RANBP17: variants seen among roughly 807,000 people sequenced by gnomAD.
The protein encoded by RANBP17 is ran-binding protein 17.
A neutral mutation model predicts 141.2 loss-of-function variants in RANBP17; 158 were observed. That is an observed-to-expected ratio of 1.12 (90% confidence interval 0.98 to 1.28). The LOEUF is 1.28. RANBP17 is among the 50% of genes most tolerant of loss of function. The pLI is 0.00. For missense variants in RANBP17, 1,438 were observed against 1,290.7 expected, an observed-to-expected ratio of 1.11 and a Z score of -1.75; for synonymous variants, 430 against 450.0, an observed-to-expected ratio of 0.96 and a Z score of 0.56.
intron 14 of RANBP17, among the ~76,000 whole-genome samples, chr5:171,055,948 T>C (rs1032221309): frequency 6.8e-6 from 1 of 148,144 alleles, no homozygotes; most frequent in African/African-American, 2.5e-5. Context: ...TATGTTGCCG[T>C]AAATTAAGAT....
chr5:171,171,223 A>T lies in RANBP17; in HGVS notation c.1802A>T (p.Tyr601Phe). The change falls in exon 16 of 28, where the codon TAC becomes TTC. Residue 601 changes from tyrosine to phenylalanine, a missense_variant. Tyr to Phe is a conservative substitution (Grantham distance 22). Transcript: ENST00000523189. ...ATATTTAGTGTTACAAACCTTAAAT[A>T]CTGGGGAAGATATGAGCCTGTAATT... ...FMTKIVTNLK[Y>F]WGRYEPVISR... 1 of 1,588,574 alleles carries T rather than the reference A, an allele frequency of 6.3e-7. No homozygotes were observed. Among genetic ancestry groups the T allele is most frequent in the South Asian group, 1.1e-5 (1 of 88,194 alleles).
chr5:170,928,798 A>C (rs1255384188), intron 12 of RANBP17, among the ~76,000 whole-genome samples: 1 of 149,608 alleles, frequency 6.7e-6, no homozygotes, highest in Non-Finnish European at 1.5e-5. Context: ...CCGTTTGGCT[A>C]TTCTAGGTCT....
At chr5:170,925,231 C>T (rs1772821940) in intron 12 of RANBP17, among the ~76,000 whole-genome samples, 1 of 152,020 alleles carries the variant, frequency 6.6e-6, no homozygotes, top group Non-Finnish European at 1.5e-5. Flanking sequence ...AATTTACTTC[C>T]AGTGATTTCC....
chr5:171,081,713 ACCT>A lies in RANBP17; in HGVS notation c.1711-88413_1711-88411del, dbSNP rs1265721830. ...TGCTAAATAAAAATTTTCACATAAA[ACCT>A]CCTGATTTGATGTTATTTTACATTT... is the stretch of plus-strand genomic sequence containing the variant. On this transcript the variant is annotated intron_variant, in intron 14 of 27. Coordinates refer to ENST00000523189, the MANE Select transcript of RANBP17 (RefSeq NM_022897.5). 3.9e-5 allele frequency among the ~76,000 whole-genome samples: 6 copies of A among 152,050 alleles called. No homozygotes were observed. In the South Asian group the frequency reaches 6.2e-4, roughly 16 times the overall value.
intron 14 of RANBP17, among the ~76,000 whole-genome samples, chr5:170,991,721 A>T (rs1347465197): frequency 6.6e-6 from 1 of 151,978 alleles, no homozygotes; most frequent in East Asian, 1.9e-4. Context: ...GAAATTTGGG[A>T]TGATTAAGTA....
At chr5:171,225,951 CAG>C (rs1431828766) in intron 22 of RANBP17, among the ~76,000 whole-genome samples, 1 of 152,180 alleles carries the variant, frequency 6.6e-6, no homozygotes, top group Non-Finnish European at 1.5e-5. Flanking sequence ...AGGTTAGCCA[CAG>C]TAGCACAAAA....
chr5:171,067,462 A>T (rs533987526), intron 14 of RANBP17, among the ~76,000 whole-genome samples: 9 of 152,252 alleles, frequency 5.9e-5, no homozygotes, highest in African/African-American at 1.7e-4. Flanking sequence ...ACTTACTTTT[A>T]TCAGAGATCT....
chr5:171,212,969 C>A (rs1762995758), intron 20 of RANBP17, among the ~76,000 whole-genome samples: 1 of 152,100 alleles, frequency 6.6e-6, no homozygotes, highest in African/African-American at 2.4e-5. Flanking sequence ...GAGAATGTCT[C>A]CTTGTGTGTA....
intron 25 of RANBP17, 129 bp downstream of exon 25, chr5:171,265,976 T>A (rs541816394): frequency 1.2e-5 from 8 of 686,390 alleles, no homozygotes; most frequent in Middle Eastern, 7.6e-4. Flanking sequence ...ATATATATAT[T>A]GTCTGGGAGT....
intron 5 of RANBP17, among the ~76,000 whole-genome samples, chr5:170,902,853 C>T (rs1186756164): frequency 6.6e-6 from 1 of 152,174 alleles, no homozygotes; most frequent in Non-Finnish European, 1.5e-5. Context: ...CCAGCGGAGG[C>T]TGCAGAACAG....
rs189191709 is a variant in RANBP17, at chr5:171,195,275, A to C, written c.2039-4395A>C. ...TTTGGAACACTAAATATATGACTAC[A>C]TACTTGAATATGAAGTTGTAAGAAA... is the stretch of plus-strand genomic sequence containing the variant. On this transcript the variant is annotated intron_variant, in intron 18 of 27. Transcript: ENST00000523189. Among the ~76,000 whole-genome samples, 9 of 152,354 alleles carry C rather than the reference A, an allele frequency of 5.9e-5. No individual in the cohort carries two copies. In the East Asian group the frequency reaches 1.5e-3, roughly 26 times the overall value.
chr5:170,886,680 A>G (rs1433500789), intron 3 of RANBP17, among the ~76,000 whole-genome samples: 2 of 120,988 alleles, frequency 1.7e-5, no homozygotes, highest in Non-Finnish European at 3.2e-5. Context: ...TTTTTGAGAC[A>G]TAGAGTCTCA....
chr5:170,887,872 C>T (rs896699479), intron 3 of RANBP17, among the ~76,000 whole-genome samples: 1 of 152,076 alleles, frequency 6.6e-6, no homozygotes. Context: ...CTGAAATCGT[C>T]CTTTTTAAAG....
intron 14 of RANBP17, among the ~76,000 whole-genome samples, chr5:171,153,730 T>G (rs1398259411): frequency 1.3e-5 from 2 of 152,178 alleles, no homozygotes; most frequent in African/African-American, 4.8e-5. Context: ...GTGTTCAGCT[T>G]CATGTTTTCC....
intron 14 of RANBP17, among the ~76,000 whole-genome samples, chr5:171,039,719 A>G (rs997519727): frequency 6.6e-6 from 1 of 152,176 alleles, no homozygotes; most frequent in South Asian, 2.1e-4. Flanking sequence ...GAAAAATACA[A>G]AGGATTCTCA....
intron 14 of RANBP17, among the ~76,000 whole-genome samples, chr5:171,066,137 C>G (rs923617098): frequency 2.6e-5 from 4 of 152,134 alleles, no homozygotes; most frequent in African/African-American, 9.7e-5. Context: ...GCTGGGATTA[C>G]AGTCATGAGC....
At chr5:171,186,758 G>T (rs951163264) in intron 18 of RANBP17, among the ~76,000 whole-genome samples, 2 of 151,302 alleles carry the variant, frequency 1.3e-5, no homozygotes, top group Admixed American at 6.6e-5. Flanking sequence ...GGATGGTCTC[G>T]ATCTCCTGAC....
chr5:170,975,133 C>A (rs998465766), intron 14 of RANBP17, among the ~76,000 whole-genome samples: 2 of 152,182 alleles, frequency 1.3e-5, no homozygotes, highest in Non-Finnish European at 2.9e-5. Flanking sequence ...CCTTTAAGTT[C>A]TCTTTCCTTT....
chr5:171,111,299 C>A (rs186722492), intron 14 of RANBP17, among the ~76,000 whole-genome samples: 2 of 152,288 alleles, frequency 1.3e-5, no homozygotes, highest in Admixed American at 1.3e-4. Flanking sequence ...CCCCAGACTT[C>A]TCTCCCTTTT....
Sources: allele counts gnomAD v4.1 joint callset (sites outside exome capture counted in the v4.1 genomes callset), GRCh38; gene constraint gnomAD v4.1.1; transcripts MANE v1.5; gene names NCBI Gene and HGNC (gene_info 2026-07-23, HGNC 2026-07-21).